KCNU1: variants seen among roughly 807,000 people sequenced by gnomAD.
KCNU1 encodes potassium calcium-activated channel subfamily U member 1, also known as potassium channel subfamily U member 1.
KCNU1 carries 93 observed loss-of-function variants against 126.8 expected under a neutral mutation model. The observed-to-expected ratio is 0.73, with a 90% CI of 0.62 to 0.87. KCNU1 has a LOEUF of 0.87. KCNU1 is among the 40% of genes least tolerant of loss of function. The pLI is 0.00. For missense variants in KCNU1, 1,330 were observed against 1,367.1 expected (o/e 0.97, Z 0.43); for synonymous variants, 523 against 494.2 (o/e 1.06, Z -0.77).
chr8:36,847,353 T>C (rs1339926349), intron 18 of KCNU1, among the ~76,000 whole-genome samples: 1 of 152,198 alleles, frequency 6.6e-6, no homozygotes, highest in Non-Finnish European at 1.5e-5. Context: ...ACTTTTGTCA[T>C]TTTTGTGTTG....
intron 19 of KCNU1, among the ~76,000 whole-genome samples, chr8:36,902,741 A>C (rs935171453): frequency 2.0e-5 from 3 of 152,128 alleles, no homozygotes; most frequent in African/African-American, 7.2e-5. Context: ...AGACTCAGGT[A>C]TTAGCTGTGC....
At chr8:36,841,034 G>GTTTTTTTTTTTTTTTTTTTT in intron 16 of KCNU1, 31 bp downstream of exon 16, 1 of 562,564 alleles carries the variant, frequency 1.8e-6, no homozygotes, top group Non-Finnish European at 2.8e-6. Context: ...CTCTTCAGTT[G>GTTTTTTTTTTTTTTTTTTTT]TTTTTTTTTT....
At chr8:36,846,869 C>G (rs1225173805) in intron 18 of KCNU1, among the ~76,000 whole-genome samples, 2 of 151,748 alleles carry the variant, frequency 1.3e-5, no homozygotes, top group Non-Finnish European at 2.9e-5. Context: ...AGAATTTAAC[C>G]TTAGTCAATT....
chr8:36,847,542 C>G (rs1805195433), intron 18 of KCNU1, among the ~76,000 whole-genome samples: 1 of 152,176 alleles, frequency 6.6e-6, no homozygotes, highest in Non-Finnish European at 1.5e-5. Flanking sequence ...CAAGTCGAGT[C>G]TCTACTTCCA....
chr8:36,862,248 A>G (rs1297236600), intron 18 of KCNU1, among the ~76,000 whole-genome samples: 2 of 152,180 alleles, frequency 1.3e-5, no homozygotes, highest in Non-Finnish European at 2.9e-5. Flanking sequence ...AAACAGAATG[A>G]GATCAGAGAA....
At chr8:36,802,539 G>A (rs1466451517) in intron 2 of KCNU1, among the ~76,000 whole-genome samples, 1 of 152,122 alleles carries the variant, frequency 6.6e-6, no homozygotes, top group Non-Finnish European at 1.5e-5. Context: ...GAATCACATG[G>A]GAGAGACTTC....
chr8:36,915,675 C>CT (rs1386764558), intron 22 of KCNU1, among the ~76,000 whole-genome samples: 5 of 152,192 alleles, frequency 3.3e-5, no homozygotes, highest in South Asian at 2.1e-4. Context: ...ACCATGGGTT[C>CT]TTTATCACAA....
chr8:36,839,037 A>G (rs1303763199), intron 14 of KCNU1, among the ~76,000 whole-genome samples: 1 of 152,176 alleles, frequency 6.6e-6, no homozygotes, highest in African/African-American at 2.4e-5. Context: ...TTCTCTATCT[A>G]TAAAATTAAA....
chr8:36,806,933 T>C (rs1302409864), intron 5 of KCNU1, among the ~76,000 whole-genome samples: 1 of 152,212 alleles, frequency 6.6e-6, no homozygotes, highest in African/African-American at 2.4e-5. Context: ...TAAAACATCA[T>C]ACAAACATTG....
At chr8:36,923,015 G>C in intron 24 of KCNU1, 1 of 460,922 alleles carries the variant, frequency 2.2e-6, no homozygotes, top group Non-Finnish European at 4.3e-6. Flanking sequence ...AGGGATCCCA[G>C]TTTCAAGGAA....
At chr8:36,841,050 T>TC in intron 16 of KCNU1, 47 bp downstream of exon 16, 2 of 1,285,704 alleles carry the variant, frequency 1.6e-6, no homozygotes, top group Non-Finnish European at 2.2e-6. Context: ...TTTTTTTTTT[T>TC]TTTTTTCCTG....
At chr8:36,918,210 T>C (rs1808194485) in intron 22 of KCNU1, among the ~76,000 whole-genome samples, 1 of 152,064 alleles carries the variant, frequency 6.6e-6, no homozygotes, top group Non-Finnish European at 1.5e-5. Context: ...CTGGGAGAGC[T>C]TTGCCTTTTT....
intron 16 of KCNU1, among the ~76,000 whole-genome samples, chr8:36,844,434 T>C (rs893426098): frequency 1.3e-5 from 2 of 152,016 alleles, no homozygotes; most frequent in African/African-American, 4.8e-5. Context: ...ATGCATCTGC[T>C]AGTTAGTGAG....
At chr8:36,812,327 C>T (rs1803750885) in intron 7 of KCNU1, among the ~76,000 whole-genome samples, 1 of 146,886 alleles carries the variant, frequency 6.8e-6, no homozygotes, top group African/African-American at 2.5e-5. Context: ...TTGCAGTGGG[C>T]TGAGATCATA....
At chr8:36,816,507 A>G (rs1803918885) in intron 9 of KCNU1, among the ~76,000 whole-genome samples, 1 of 152,182 alleles carries the variant, frequency 6.6e-6, no homozygotes. Flanking sequence ...TATGAAGAGG[A>G]AAGGAAAAAT....
chr8:36,874,861 T>C (rs1806223328), intron 19 of KCNU1, among the ~76,000 whole-genome samples: 1 of 151,946 alleles, frequency 6.6e-6, no homozygotes, highest in Non-Finnish European at 1.5e-5. Context: ...TTAACAGATT[T>C]TTCTCCTTGA....
In KCNU1 at chr8:36,787,445, T is replaced by C. The variant is rs1035833131; in HGVS notation, c.315+20T>C. 1.3e-6 allele frequency: 2 copies of C among 1,590,878 alleles called. No individual in the cohort carries two copies. Among genetic ancestry groups the C allele is most frequent in the African/African-American group, 1.3e-5 (1 of 74,506 alleles). Reference sequence around the variant, plus strand: ...GTGTTGGTAAGTACATTTTCAGTGTTAGCTTGCTAACAAACTTTAGCCATA... The same window carrying C: ...GTGTTGGTAAGTACATTTTCAGTGTCAGCTTGCTAACAAACTTTAGCCATA... On this transcript the variant is annotated intron_variant, in intron 2 of 26. Coordinates refer to ENST00000399881, the MANE Select transcript of KCNU1 (RefSeq NM_001031836.3).
At chr8:36,836,991 C>T in intron 14 of KCNU1, 46 bp downstream of exon 14, 3 of 1,588,730 alleles carry the variant, frequency 1.9e-6, no homozygotes, top group Non-Finnish European at 2.6e-6. Context: ...TTCCTATGTC[C>T]TACATATTAA....
rs867719264 is a variant in KCNU1 at position 36,825,192 on chromosome 8, G to A, written c.1106+7432G>A. Among the ~76,000 whole-genome samples, 31 of 152,196 alleles carry A rather than the reference G, an allele frequency of 2.0e-4. No individual in the cohort carries two copies. In the Middle Eastern group the frequency reaches 0.014, roughly 67 times the overall value. On this transcript the variant is annotated intron_variant, in intron 10 of 26. Coordinates refer to ENST00000399881, the MANE Select transcript of KCNU1 (RefSeq NM_001031836.3). ...TTGTGGGTAGTACTTTATTAAGATAGTGGTACTTCTTGTGGTTTTAATTAA... is the reference window on the plus strand; with the variant it reads ...TTGTGGGTAGTACTTTATTAAGATAATGGTACTTCTTGTGGTTTTAATTAA...
Sources: gnomAD v4.1 joint callset for allele counts (sites outside exome capture counted in the v4.1 genomes callset) on GRCh38, gnomAD v4.1.1 for gene constraint, MANE v1.5 for transcripts, NCBI Gene and HGNC (gene_info 2026-07-23, HGNC 2026-07-21) for gene names.